The following HYDIN variants were observed in gnomAD, a reference collection of about 807,000 sequenced individuals.
HYDIN encodes HYDIN axonemal central pair apparatus protein, also known as axonemal central pair apparatus protein HYDIN.
Under a neutral mutation model 403.9 loss-of-function variants are expected in HYDIN, and 132 were observed. That is an observed-to-expected ratio of 0.33 (90% CI 0.28 to 0.38). The LOEUF is 0.38. Among genes scored for constraint, HYDIN ranks in the 10% least tolerant of loss-of-function variants. The pLI, the probability that HYDIN is intolerant of heterozygous loss-of-function variation, is 1.00. For missense variants in HYDIN, 2,827 were observed against 5,009.5 expected, an observed-to-expected ratio of 0.56 and a Z score of 13.15; for synonymous variants, 1,202 against 1,891.7, an observed-to-expected ratio of 0.64 and a Z score of 9.46.
chr16:70,808,766 C>T (rs1324273352), intron 85 of HYDIN, among the ~76,000 whole-genome samples: 1 of 152,224 alleles, frequency 6.6e-6, no homozygotes, highest in Non-Finnish European at 1.5e-5. Flanking sequence ...ACAAAAGCTA[C>T]CTTTCCTAGC....
intron 8 of HYDIN, among the ~76,000 whole-genome samples, chr16:71,130,223 T>G (rs1448233576): frequency 6.6e-6 from 1 of 152,206 alleles, no homozygotes; most frequent in Non-Finnish European, 1.5e-5. Flanking sequence ...TAGCTTTAAT[T>G]CTTTCTTAGC....
At chr16:71,003,394 A>G (rs990949100) in intron 23 of HYDIN, among the ~76,000 whole-genome samples, 13 of 152,180 alleles carry the variant, frequency 8.5e-5, no homozygotes, top group Non-Finnish European at 1.5e-4. Flanking sequence ...ATGACTTTAA[A>G]TAAAATTATC....
intron 10 of HYDIN, among the ~76,000 whole-genome samples, chr16:71,108,443 G>A (rs1438563563): frequency 6.6e-6 from 1 of 151,982 alleles, no homozygotes; most frequent in Non-Finnish European, 1.5e-5. Context: ...AACACACTGA[G>A]GCTTCTAGGG....
At chr16:70,901,483 T>C (rs2076376595) in intron 52 of HYDIN, among the ~76,000 whole-genome samples, 1 of 151,658 alleles carries the variant, frequency 6.6e-6, no homozygotes, top group Non-Finnish European at 1.5e-5. Context: ...TTCTCATCAC[T>C]TAGCTCCCAC....
At chr16:70,881,099 G>A (rs1418772144) in intron 60 of HYDIN, among the ~76,000 whole-genome samples, 20 of 140,410 alleles carry the variant, frequency 1.4e-4, no homozygotes, top group South Asian at 4.3e-4. Context: ...GGTGGTGCGT[G>A]CCTGTAGTCC....
intron 45 of HYDIN, among the ~76,000 whole-genome samples, chr16:70,931,215 T>TTG (rs1394705848): frequency 2.8e-5 from 3 of 107,488 alleles, no homozygotes; most frequent in African/African-American, 3.9e-5. Context: ...CTTCTGTTTT[T>TTG]TTTTTTTTTT....
chr16:71,033,017 T>G (rs1193674479), intron 18 of HYDIN, among the ~76,000 whole-genome samples: 2 of 137,602 alleles, frequency 1.5e-5, no homozygotes, highest in African/African-American at 5.5e-5. Context: ...TCCTAGCCCC[T>G]CCAAGTCTTC....
At chr16:71,098,363 G>C (rs771139632) in intron 10 of HYDIN, among the ~76,000 whole-genome samples, 3 of 151,738 alleles carry the variant, frequency 2.0e-5, no homozygotes, top group East Asian at 3.9e-4. Context: ...CACCACGCCC[G>C]GCTAATATTT....
intron 75 of HYDIN, among the ~76,000 whole-genome samples, chr16:70,845,632 G>A (rs2038147357): frequency 7.7e-6 from 1 of 129,434 alleles, no homozygotes; most frequent in Non-Finnish European, 1.5e-5. Context: ...GTTCCTCCTT[G>A]TACCTCTGGT....
chr16:70,842,389 T>C (rs563475561), intron 75 of HYDIN, among the ~76,000 whole-genome samples: 36 of 151,806 alleles, frequency 2.4e-4, no homozygotes, highest in Admixed American at 9.2e-4. Flanking sequence ...ATGTTTATAA[T>C]TGCTATGTCT....
Position 71,040,619 on chromosome 16 carries a change from TAGGAGGCAGGCTCTC to T in HYDIN, c.2530-8717_2530-8703del, listed in dbSNP as rs112632049. 5.9e-4 allele frequency among the ~76,000 whole-genome samples: 68 copies of T among 114,328 alleles called. 1 individual carries two copies. The highest frequency in any genetic ancestry group is 2.3e-3 in the African/African-American group (66 of 28,508). 75.0% of individuals were successfully genotyped at this position (114,328 alleles called of 152,430 possible). ...ATCCATGATTTTGTGTGAATCTCGGTAGGAGGCAGGCTCTCACTGCCATTTGAGAAGTCACCCAGA... is the reference window on the plus strand; with the variant it reads ...ATCCATGATTTTGTGTGAATCTCGGTACTGCCATTTGAGAAGTCACCCAGA... On this transcript the variant is annotated intron_variant, in intron 18 of 85. Transcript: ENST00000393567.
At chr16:70,923,865 T>C (rs368379944) in intron 45 of HYDIN, among the ~76,000 whole-genome samples, 2 of 128,238 alleles carry the variant, frequency 1.6e-5, no homozygotes, top group East Asian at 4.6e-4. Context: ...ACAGAAAACA[T>C]AAAATGAAGA....
intron 65 of HYDIN, among the ~76,000 whole-genome samples, chr16:70,871,114 C>T (rs1176470142): frequency 1.3e-5 from 2 of 151,840 alleles, no homozygotes; most frequent in Admixed American, 6.6e-5. Context: ...CTATTTTTGG[C>T]ATATAGTAAG....
Position 70,892,531 on chromosome 16 carries a change from T to G in HYDIN, c.9249-2A>C. On this transcript the variant is annotated splice_acceptor_variant, in intron 55 of 85. Coordinates refer to ENST00000393567, the MANE Select transcript of HYDIN (RefSeq NM_001270974.2). LOFTEE classifies it high-confidence loss of function. ...ATCCCTACAGAGTCCACGGAAAAGCTGAAAGACAAGAATAAGAAGTCAGCC... is the reference window on the plus strand; with the variant it reads ...ATCCCTACAGAGTCCACGGAAAAGCGGAAAGACAAGAATAAGAAGTCAGCC... 1 of 1,604,816 alleles carries G rather than the reference T, an allele frequency of 6.2e-7. No homozygotes were observed.
At chr16:71,173,354 A>G (rs1366262697) in intron 5 of HYDIN, among the ~76,000 whole-genome samples, 1 of 152,242 alleles carries the variant, frequency 6.6e-6, no homozygotes, top group Middle Eastern at 3.2e-3. Context: ...GTGGAACGGT[A>G]AGAAGGAATA....
chr16:71,033,257 C>A (rs1248969164), intron 18 of HYDIN, among the ~76,000 whole-genome samples: 2 of 152,162 alleles, frequency 1.3e-5, no homozygotes, highest in Non-Finnish European at 2.9e-5. Context: ...GATGTTGAAA[C>A]CCTTGGAATG....
chr16:71,145,328 C>T (rs932127893), intron 7 of HYDIN, among the ~76,000 whole-genome samples: 13 of 151,758 alleles, frequency 8.6e-5, no homozygotes, highest in African/African-American at 3.1e-4. Flanking sequence ...GATCTTGCCT[C>T]ACTGTAACCT....
rs564417262 is a variant in HYDIN, at chr16:70,810,027, A to T, written c.14659-20T>A. On this transcript the variant is annotated intron_variant, in intron 84 of 85. Transcript: ENST00000393567. ...CGTGCCCTGGAAGAGAAAACAGAGG[A>T]TCCTGTCATGCTGAAAGGCTAATTC... 1.2e-6 allele frequency: 2 copies of T among 1,610,756 alleles called. No individual in the cohort carries two copies. The highest frequency in any genetic ancestry group is 3.3e-5 in the Admixed American group (2 of 59,978).
intron 1 of HYDIN, among the ~76,000 whole-genome samples, chr16:71,210,909 T>C (rs1014983090): frequency 1.3e-5 from 2 of 152,062 alleles, no homozygotes; most frequent in Admixed American, 1.3e-4. Flanking sequence ...TATTATATGA[T>C]AAAGCAAATA....
Sources: allele counts gnomAD v4.1 joint callset (sites outside exome capture counted in the v4.1 genomes callset), GRCh38; gene constraint gnomAD v4.1.1; transcripts MANE v1.5; gene names NCBI Gene and HGNC (gene_info 2026-07-23, HGNC 2026-07-21).